The following FRMD4B variants were observed in gnomAD, a reference collection of about 807,000 sequenced individuals.
The protein encoded by FRMD4B is FERM domain-containing protein 4B.
A neutral mutation model predicts 141.5 loss-of-function variants in FRMD4B; 74 were observed. The observed-to-expected ratio is 0.52, with a 90% CI of 0.43 to 0.63. The LOEUF is 0.63. FRMD4B is among the 30% of genes least tolerant of loss of function. The pLI is 0.00. For missense variants in FRMD4B, 1,366 were observed against 1,253.4 expected (o/e 1.09, Z -1.36); for synonymous variants, 506 against 467.9 (o/e 1.08, Z -1.05).
At chr3:69,433,767 G>A (rs1395701972) in intron 1 of FRMD4B, among the ~76,000 whole-genome samples, 2 of 152,174 alleles carry the variant, frequency 1.3e-5, no homozygotes, top group East Asian at 1.9e-4. Flanking sequence ...ACCCCTTTAG[G>A]AGGAAAACAT....
At chr3:69,327,536 T>C (rs988979315) in intron 1 of FRMD4B, among the ~76,000 whole-genome samples, 1 of 152,256 alleles carries the variant, frequency 6.6e-6, no homozygotes. Context: ...AGGGTTTTCA[T>C]GTTTCAATTT....
intron 1 of FRMD4B, chr3:69,536,005 C>G (rs1475377222): frequency 5.1e-6 from 2 of 389,930 alleles, no homozygotes; most frequent in Non-Finnish European, 1.0e-5. Context: ...CTACTAAGCC[C>G]GCTGGCACTG....
chr3:69,402,360 A>C (rs2106755064), intron 2 of FRMD4B, among the ~76,000 whole-genome samples: 1 of 152,336 alleles, frequency 6.6e-6, no homozygotes, highest in Middle Eastern at 3.4e-3. Flanking sequence ...AAGATGAGAA[A>C]CTGGAGCCTT....
chr3:69,406,638 T>C (rs971080045), intron 2 of FRMD4B, among the ~76,000 whole-genome samples: 4 of 152,364 alleles, frequency 2.6e-5, no homozygotes, highest in Middle Eastern at 3.4e-3. Context: ...GTCAGTCTTG[T>C]GGCAGCAAAC....
intron 1 of FRMD4B, among the ~76,000 whole-genome samples, chr3:69,369,476 A>T (rs1703764335): frequency 6.6e-6 from 1 of 152,282 alleles, no homozygotes; most frequent in East Asian, 1.9e-4. Context: ...TGAAAAAATT[A>T]AACTGATGCA....
intron 1 of FRMD4B, among the ~76,000 whole-genome samples, chr3:69,365,372 A>T (rs1703607698): frequency 6.6e-6 from 1 of 152,198 alleles, no homozygotes; most frequent in African/African-American, 2.4e-5. Flanking sequence ...TCTACTAATA[A>T]ATGAAGTAAA....
At chr3:69,276,454 T>C (rs2093618389) in intron 5 of FRMD4B, among the ~76,000 whole-genome samples, 2 of 152,088 alleles carry the variant, frequency 1.3e-5, no homozygotes, top group South Asian at 4.2e-4. Context: ...TTTTATGGTT[T>C]GTAGGAACAG....
Position 69,249,198 on chromosome 3 carries a change from T to C in FRMD4B, c.581+28A>G, listed in dbSNP as rs767153719. On this transcript the variant is annotated intron_variant, in intron 7 of 22. Transcript: ENST00000398540. ...AATGATTCTTTAGGGTTATTTTGCA[T>C]AGTAATATCAGAAAAGAAAAGCATT... 2.8e-6 allele frequency: 4 copies of C among 1,441,386 alleles called. No individual in the cohort carries two copies. In the East Asian group the frequency reaches 6.9e-5, roughly 25 times the overall value. The allele number at this position is 1,441,386 out of a possible 1,614,324, so 89.3% of individuals were successfully genotyped here.
At chr3:69,366,068 C>A (rs1477507369) in intron 1 of FRMD4B, among the ~76,000 whole-genome samples, 1 of 134,112 alleles carries the variant, frequency 7.5e-6, no homozygotes, top group South Asian at 2.3e-4. Flanking sequence ...AAAACACACA[C>A]ACACACACAC....
chr3:69,185,332 A>G (rs2092754628), intron 19 of FRMD4B, among the ~76,000 whole-genome samples: 2 of 151,826 alleles, frequency 1.3e-5, no homozygotes, highest in South Asian at 2.1e-4. Context: ...GAAAAAAAGA[A>G]GAAACATAGC....
At chr3:69,225,666 G>A (rs976896311) in intron 7 of FRMD4B, among the ~76,000 whole-genome samples, 44 of 109,402 alleles carry the variant, frequency 4.0e-4, no homozygotes, top group Non-Finnish European at 6.3e-4. Context: ...CTGCACTCCA[G>A]CCTTGGCGAC....
intron 1 of FRMD4B, chr3:69,542,056 C>T (rs1301926984): frequency 2.0e-5 from 3 of 152,168 alleles, no homozygotes; most frequent in African/African-American, 4.8e-5. Flanking sequence ...CGGGGTTTTC[C>T]GCTCTCCCAA....
At chr3:69,463,544 A>G (rs1447935199) in intron 1 of FRMD4B, among the ~76,000 whole-genome samples, 1 of 152,226 alleles carries the variant, frequency 6.6e-6, no homozygotes, top group East Asian at 1.9e-4. Context: ...TATCTTCATT[A>G]TAAGTCTTTA....
At chr3:69,327,512 A>G (rs1702223947) in intron 1 of FRMD4B, among the ~76,000 whole-genome samples, 1 of 152,238 alleles carries the variant, frequency 6.6e-6, no homozygotes, top group South Asian at 2.1e-4. Flanking sequence ...ATTATGGAGT[A>G]CATGCTTACT....
intron 22 of FRMD4B, among the ~76,000 whole-genome samples, chr3:69,172,939 C>CA (rs1221618978): frequency 6.6e-6 from 1 of 151,832 alleles, no homozygotes; most frequent in Non-Finnish European, 1.5e-5. Context: ...TTTCATGTAA[C>CA]ATAAAAAACA....
rs535278130 is a variant in FRMD4B at position 69,536,582 on chromosome 3, C to G, written c.-129+5624G>C. ...GAGAGGGCAGGAGGCGGCATGCCAC[C>G]GGGAAGCTGCTGCAGCTCAGGCCTG... On this transcript the variant is annotated intron_variant, in intron 1 of 5. Coordinates refer to the FRMD4B transcript ENST00000459638. The G allele has an allele frequency of 7.3e-5, 55 of 749,796 alleles. No individual in the cohort carries two copies. In the African/African-American group the frequency reaches 8.5e-4, roughly 12 times the overall value. The allele number at this position is 749,796 out of a possible 1,614,324, so 46.4% of individuals were successfully genotyped here. A position where few individuals can be genotyped will look rare whatever the true frequency, so the allele number is the denominator to read the frequency against.
chr3:69,368,906 T>C (rs6549210), intron 1 of FRMD4B, among the ~76,000 whole-genome samples: 143,239 of 152,242 alleles, frequency 0.94, 68,030 homozygotes, highest in East Asian at 1. Flanking sequence ...AGCAATTCTC[T>C]CACCTCGGCC....
At chr3:69,212,603 G>A (rs975465870) in intron 11 of FRMD4B, among the ~76,000 whole-genome samples, 47 of 152,066 alleles carry the variant, frequency 3.1e-4, no homozygotes, top group African/African-American at 9.4e-4. Context: ...AACTGTGAAC[G>A]TAAAGAAAGG....
In FRMD4B at chr3:69,233,605, C is replaced by T. The variant is rs563347593; in HGVS notation, c.582-8915G>A. Reference sequence around the variant, plus strand: ...GATGTAAAAATGCCATAGTTAAGTGCCTATTTGAACACTCAGTAAAGTCTA... The same window carrying T: ...GATGTAAAAATGCCATAGTTAAGTGTCTATTTGAACACTCAGTAAAGTCTA... On this transcript the variant is annotated intron_variant, in intron 7 of 22. Transcript: ENST00000398540. Among the ~76,000 whole-genome samples the T allele has an allele frequency of 2.1e-3, 327 of 152,110 alleles. 4 individuals are homozygous for T. The highest frequency in any genetic ancestry group is 4.0e-3 in the Non-Finnish European group (271 of 67,994).
Sources: gnomAD v4.1 joint callset for allele counts (sites outside exome capture counted in the v4.1 genomes callset) on GRCh38, gnomAD v4.1.1 for gene constraint, MANE v1.5 for transcripts, NCBI Gene and HGNC (gene_info 2026-07-23, HGNC 2026-07-21) for gene names.